OTOG: variants seen among roughly 807,000 people sequenced by gnomAD.
OTOG encodes otogelin.
In OTOG, 296 loss-of-function variants were observed where a neutral mutation model predicts 313.8. The observed-to-expected ratio is 0.94, with a 90% CI of 0.86 to 1.04. The LOEUF is 1.04. Among genes scored for constraint, OTOG ranks in the 50% least tolerant of loss-of-function variants. The pLI, the probability that OTOG is intolerant of heterozygous loss-of-function variation, is 0.00. For synonymous variants in OTOG, 1,533 were observed against 1,554.9 expected (o/e 0.99, Z 0.33); for missense variants, 3,948 against 3,840.1 (o/e 1.03, Z -0.74).
At chr11:17,566,522 G>C (rs1177404520) in intron 15 of OTOG, among the ~76,000 whole-genome samples, 1 of 152,122 alleles carries the variant, frequency 6.6e-6, no homozygotes, top group Non-Finnish European at 1.5e-5. Flanking sequence ...GTATCTACAT[G>C]TGCTAAACAT....
chr11:17,576,459 A>G (rs1852528034), intron 20 of OTOG, 97 bp from the exon 21 acceptor site: 1 of 918,112 alleles, frequency 1.1e-6, no homozygotes, highest in Middle Eastern at 2.1e-4. Context: ...CTGTGTCCTT[A>G]TGCACCTGGT....
chr11:17,613,512 G>T (rs1853648969), intron 38 of OTOG, 100 bp from the exon 39 acceptor site: 3 of 960,628 alleles, frequency 3.1e-6, no homozygotes, highest in Non-Finnish European at 4.9e-6. Flanking sequence ...AGTGCAGGGG[G>T]TAGTCAGGGG....
chr11:17,593,965 T>C (rs1853023409), intron 27 of OTOG, 82 bp from the exon 28 acceptor site: 4 of 1,522,148 alleles, frequency 2.6e-6, no homozygotes, highest in Non-Finnish European at 3.6e-6. Context: ...TATGATAGAC[T>C]CCTGGGCTCA....
Position 17,606,083 on chromosome 11 carries a change from G to T in OTOG, c.4104G>T (p.Arg1368=), listed in dbSNP as rs1294586419. The T allele has an allele frequency of 4.5e-6, 7 of 1,549,936 alleles. No homozygotes were observed. The South Asian group carries it at 8.3e-5, about 18-fold the overall frequency. ...TGTCGGGCGCGGTGCTGGCCCTGCGGCTGTACGAACACACAGAGGTGTTCC... is the reference window on the plus strand; with the variant it reads ...TGTCGGGCGCGGTGCTGGCCCTGCGTCTGTACGAACACACAGAGGTGTTCC... The part of the protein sequence containing the change: ...LYVSGAVLAL[R]LYEHTEVFRR... The change falls in exon 33 of 56, where the codon CGG becomes CGT. Residue 1368 remains arginine, a synonymous_variant. Coordinates refer to ENST00000399397, the MANE Select transcript of OTOG (RefSeq NM_001292063.2).
At chr11:17,615,861 G>T (rs1853705664) in intron 39 of OTOG, among the ~76,000 whole-genome samples, 1 of 152,104 alleles carries the variant, frequency 6.6e-6, no homozygotes, top group Non-Finnish European at 1.5e-5. Context: ...CTGGGAGGCG[G>T]AGGTTGCGGT....
intron 17 of OTOG, 89 bp downstream of exon 17, chr11:17,570,479 C>G (rs1260407981): frequency 7.9e-7 from 1 of 1,268,190 alleles, no homozygotes; most frequent in South Asian, 1.4e-5. Flanking sequence ...ATGTCTCTCC[C>G]GTGAGCCTTC....
rs1205632724 is a variant in OTOG at position 17,559,160 on chromosome 11, C to T, written c.1212C>T (p.Cys404=). 8 of 1,535,554 alleles carry T rather than the reference C, an allele frequency of 5.2e-6. No individual in the cohort carries two copies. Among genetic ancestry groups the T allele is most frequent in the Admixed American group, 2.0e-5 (1 of 50,882 alleles). The change falls in exon 11 of 56, where the codon TGC becomes TGT. Residue 404 remains cysteine (C), a splice_region_variant and synonymous_variant. Transcript: ENST00000399397. The stretch of plus-strand genomic sequence containing the variant: ...GCTGGAGGACCCAGCTCCGGCAATG[C>T]AGTAGGTGCAGCCCAGTAGTGGGGC... ...LQGWRTQLRQ[C]TVHCKEKAFT...
intron 49 of OTOG, among the ~76,000 whole-genome samples, chr11:17,640,070 A>C (rs1475116232): frequency 6.6e-6 from 1 of 152,144 alleles, no homozygotes; most frequent in African/African-American, 2.4e-5. Context: ...GGTGAAGATG[A>C]TAATGGCAAT....
At chr11:17,593,109 G>C (rs899520329) in intron 25 of OTOG, 84 bp from the exon 26 acceptor site, 3 of 1,358,144 alleles carry the variant, frequency 2.2e-6, no homozygotes, top group Non-Finnish European at 3.0e-6. Context: ...AGCCACTCCA[G>C]AGAGCGTGTT....
chr11:17,637,765 T>C (rs980887408), intron 47 of OTOG, among the ~76,000 whole-genome samples: 8 of 152,334 alleles, frequency 5.3e-5, no homozygotes, highest in Admixed American at 5.2e-4. Flanking sequence ...ACCATAAAAA[T>C]GCCCTCCCTC....
At position 17,641,910 on chromosome 11, in the gene OTOG, T is replaced by C; in HGVS notation, c.8254T>C (p.Cys2752Arg). 1.3e-6 allele frequency: 2 copies of C among 1,550,326 alleles called. No homozygotes were observed. The highest frequency in any genetic ancestry group is 1.7e-6 in the Non-Finnish European group (2 of 1,146,852). ...CTGCGGCTCCTGCAGGAACGTGTCC[T>C]GTCTCTTCACCTTCCCCAATGGCAC... ...ACCGSCRNVSCLFTFPNGTTS... is the reference protein window; with the variant it reads ...ACCGSCRNVSRLFTFPNGTTS... Residue 2752 changes from cysteine to arginine, a missense_variant, in exon 52 of 56, where the codon TGT becomes CGT. Transcript: ENST00000399397.
chr11:17,610,346 C>G lies in OTOG; in HGVS notation c.5046C>G (p.Pro1682=), dbSNP rs557377288. ...VTKVISRTGV[P]QPTQAQSASS... Reference sequence around the variant, plus strand: ...AGGTCATAAGCAGGACAGGGGTCCCCCAGCCCACCCAGGCCCAGAGTGCTT... The same window carrying G: ...AGGTCATAAGCAGGACAGGGGTCCCGCAGCCCACCCAGGCCCAGAGTGCTT... The change falls in exon 36 of 56, where the codon CCC becomes CCG. Residue 1682 remains proline (P), a synonymous_variant. Coordinates refer to ENST00000399397, the MANE Select transcript of OTOG (RefSeq NM_001292063.2). 1.0e-4 allele frequency: 160 copies of G among 1,550,542 alleles called. No individual in the cohort carries two copies. Among genetic ancestry groups the G allele is most frequent in the Non-Finnish European group, 1.3e-4 (154 of 1,147,000 alleles).
In OTOG at chr11:17,605,949, G is replaced by A; in HGVS notation, c.3970G>A (p.Gly1324Ser). ...GTCTCTGGAGCTGGCTAAGTGGCAG[G>A]GCCGTGACACCTTCCAACAGCATGC... ...NGSLELAKWQ[G>S]RDTFQQHASF... The change falls in exon 33 of 56, where the codon GGC becomes AGC. Residue 1324 changes from glycine to serine, a missense_variant. Gly to Ser is a moderately conservative substitution (Grantham distance 56). Coordinates refer to ENST00000399397, the MANE Select transcript of OTOG (RefSeq NM_001292063.2). The A allele has an allele frequency of 6.4e-7, 1 of 1,550,590 alleles. No individual in the cohort carries two copies. The highest frequency in any genetic ancestry group is 8.7e-7 in the Non-Finnish European group (1 of 1,146,974).
At chr11:17,629,450 G>C (rs1854063662) in intron 40 of OTOG, 134 bp downstream of exon 40, 1 of 1,069,174 alleles carries the variant, frequency 9.4e-7, no homozygotes. Flanking sequence ...AGCTGTCAGG[G>C]CAGGGAGGCC....
chr11:17,585,770 G>A (rs1032074154), intron 23 of OTOG, among the ~76,000 whole-genome samples: 3 of 151,966 alleles, frequency 2.0e-5, no homozygotes, highest in Non-Finnish European at 4.4e-5. Context: ...AACTAACAAG[G>A]GACTCCTTTG....
In OTOG at chr11:17,634,129, G is replaced by A. The variant is rs748915791; in HGVS notation, c.7328G>A (p.Ser2443Asn). 1 of 1,549,332 alleles carries A rather than the reference G, an allele frequency of 6.5e-7. No individual in the cohort carries two copies. Among genetic ancestry groups the A allele is most frequent in the Non-Finnish European group, 8.7e-7 (1 of 1,146,936 alleles). The change falls in exon 44 of 56, where the codon AGC becomes AAC. Residue 2443 changes from serine (S) to asparagine (N), a missense_variant. By Grantham distance (46) the Ser-to-Asn change is conservative. Coordinates refer to ENST00000399397, the MANE Select transcript of OTOG (RefSeq NM_001292063.2). ...ALGETWNSSL[S>N]GCCQHQCQAP... ...GGGGAGACCTGGAACAGCTCCCTCA[G>A]CGGCTGCTGCCAGCACCAGTGCCAA...
At chr11:17,578,154 T>C in intron 22 of OTOG, 2 of 971,000 alleles carry the variant, frequency 2.1e-6, no homozygotes, top group Non-Finnish European at 1.3e-6. Context: ...CGTGCAGAGA[T>C]GGGTCCTGGT....
At chr11:17,612,090 G>A (rs1256346031) in intron 36 of OTOG, 72 bp from the exon 37 acceptor site, 3 of 1,514,102 alleles carry the variant, frequency 2.0e-6, no homozygotes, top group Non-Finnish European at 2.7e-6. Context: ...GAAGGATCTG[G>A]TGCCATCACA....
At chr11:17,614,539 A>G (rs946303434) in intron 39 of OTOG, among the ~76,000 whole-genome samples, 2 of 152,194 alleles carry the variant, frequency 1.3e-5, no homozygotes, top group East Asian at 3.8e-4. Flanking sequence ...ACCACCTCCA[A>G]CCAGGATATA....
Sources: allele counts gnomAD v4.1 joint callset (sites outside exome capture counted in the v4.1 genomes callset), GRCh38; gene constraint gnomAD v4.1.1; transcripts MANE v1.5; gene names NCBI Gene and HGNC (gene_info 2026-07-23, HGNC 2026-07-21).